The following ZNF670 variants were observed in gnomAD, a reference collection of about 807,000 sequenced individuals.
ZNF670 encodes zinc finger protein 670.
In ZNF670, 7 loss-of-function variants were observed where a neutral mutation model predicts 10.9. The ratio of observed to expected loss-of-function variants is 0.64; its 90% CI spans 0.36 to 1.20. The LOEUF is 1.20. Among genes scored for constraint, ZNF670 ranks in the 50% most tolerant of loss-of-function variants. The pLI is 0.02. For missense variants in ZNF670, 446 were observed against 458.6 expected (o/e 0.97, Z 0.25); for synonymous variants, 136 against 152.7 (o/e 0.89, Z 0.81).
chr1:247,047,037 G>T (rs1670467367), intron 1 of ZNF670, among the ~76,000 whole-genome samples: 1 of 152,220 alleles, frequency 6.6e-6, no homozygotes, highest in Non-Finnish European at 1.5e-5. Context: ...TGCAAGAAGT[G>T]GACTCTCATG....
chr1:247,068,245 G>C (rs1267367848), intron 1 of ZNF670, among the ~76,000 whole-genome samples: 7 of 144,186 alleles, frequency 4.9e-5, no homozygotes, highest in Admixed American at 2.1e-4. Flanking sequence ...GAACCCAAGA[G>C]GCAGAGGTTG....
At chr1:247,049,865 T>C (rs528032678) in intron 1 of ZNF670, among the ~76,000 whole-genome samples, 19 of 152,386 alleles carry the variant, frequency 1.2e-4, no homozygotes, top group Non-Finnish European at 2.5e-4. Flanking sequence ...TTTCCAATTA[T>C]ACTCCATTGT....
At chr1:247,066,391 T>G (rs1362316565) in intron 1 of ZNF670, among the ~76,000 whole-genome samples, 2 of 152,018 alleles carry the variant, frequency 1.3e-5, no homozygotes, top group African/African-American at 4.8e-5. Context: ...ACAGCCCCCA[T>G]GGACACTTGA....
intron 1 of ZNF670, among the ~76,000 whole-genome samples, chr1:247,071,717 A>G (rs1267590665): frequency 6.6e-6 from 1 of 152,212 alleles, no homozygotes; most frequent in Non-Finnish European, 1.5e-5. Context: ...AACCTTTTAT[A>G]CCGTACATTA....
At chr1:247,039,151 T>C (rs1973414) in intron 2 of ZNF670, among the ~76,000 whole-genome samples, 149,764 of 150,956 alleles carry the variant, frequency 0.99, 74,292 homozygotes, top group Middle Eastern at 1. Flanking sequence ...CTCCACTTCC[T>C]AGGTTCCAGC....
chr1:247,038,839 A>G lies in ZNF670; in HGVS notation c.162T>C (p.Asp54=). ...GNKSEDQNIQ[D]DFKNPGRNLS... ...GATTTCTCCCAGGATTTTTGAAGTC[A>G]TCTTGGATATTCTGGTCTTCTGATT... Residue 54 remains aspartate, a synonymous_variant, in exon 3 of 4, where the codon GAT becomes GAC. Coordinates refer to ENST00000366503, the MANE Select transcript of ZNF670 (RefSeq NM_033213.5). 3.1e-6 allele frequency: 5 copies of G among 1,612,990 alleles called. No individual in the cohort carries two copies. The highest frequency in any genetic ancestry group is 4.2e-6 in the Non-Finnish European group (5 of 1,179,484).
Position 247,037,964 on chromosome 1 carries a change from G to A in ZNF670, c.655C>T (p.His219Tyr). The A allele has an allele frequency of 6.2e-7, 1 of 1,613,544 alleles. No individual in the cohort carries two copies. Among genetic ancestry groups the A allele is most frequent in the South Asian group, 1.1e-5 (1 of 90,934 alleles). ...SSYLREHERTHTGEKPYACKK... is the reference protein window; with the variant it reads ...SSYLREHERTYTGEKPYACKK... ...CATGCATAGGGTTTCTCTCCAGTAT[G>A]AGTTCTTTCATGTTCACGAAGATAA... is the stretch of plus-strand genomic sequence containing the variant. The change falls in exon 4 of 4, where the codon CAT (histidine) becomes TAT (tyrosine). Residue 219 changes from histidine (H) to tyrosine (Y), a missense_variant. By Grantham distance (83) the His-to-Tyr change is moderately conservative. Transcript: ENST00000366503.
intron 1 of ZNF670, among the ~76,000 whole-genome samples, chr1:247,053,354 C>G (rs1223027768): frequency 2.6e-5 from 4 of 152,154 alleles, no homozygotes; most frequent in Admixed American, 1.3e-4. Flanking sequence ...AAAGTTCAGG[C>G]CGGCGCGGTG....
chr1:247,063,880 T>C (rs1670923188), intron 1 of ZNF670, among the ~76,000 whole-genome samples: 2 of 152,174 alleles, frequency 1.3e-5, no homozygotes, highest in Admixed American at 1.3e-4. Flanking sequence ...CCAGAGGGCC[T>C]TGGGCCAGAG....
chr1:247,071,514 G>C (rs976814746), intron 1 of ZNF670, among the ~76,000 whole-genome samples: 1 of 152,154 alleles, frequency 6.6e-6, no homozygotes. Context: ...CTACCTATTG[G>C]TTACTATGTT....
At chr1:247,053,668 G>A (rs1241639781) in intron 1 of ZNF670, among the ~76,000 whole-genome samples, 1 of 151,906 alleles carries the variant, frequency 6.6e-6, no homozygotes, top group African/African-American at 2.4e-5. Context: ...AAACAAAAAT[G>A]GCAGGATCAC....
At chr1:247,055,929 T>C (rs1459045967) in intron 1 of ZNF670, among the ~76,000 whole-genome samples, 2 of 152,108 alleles carry the variant, frequency 1.3e-5, no homozygotes, top group East Asian at 3.8e-4. Flanking sequence ...CACTACATAA[T>C]GATATGTATG....
chr1:247,055,752 C>T (rs1453746790), intron 1 of ZNF670, among the ~76,000 whole-genome samples: 1 of 152,038 alleles, frequency 6.6e-6, no homozygotes, highest in Non-Finnish European at 1.5e-5. Context: ...AAAACAAGAC[C>T]CACTGACTGG....
intron 1 of ZNF670, among the ~76,000 whole-genome samples, chr1:247,056,263 A>G (rs553116302): frequency 6.6e-6 from 1 of 152,344 alleles, no homozygotes; most frequent in South Asian, 2.1e-4. Context: ...TCTCAAGGAT[A>G]GACCATATGG....
At position 247,038,248 on chromosome 1, in the gene ZNF670, G is replaced by C. The variant is rs1484351209; in HGVS notation, c.371C>G (p.Ser124Cys). Residue 124 changes from serine to cysteine, a missense_variant, in exon 4 of 4, where the codon TCT (serine) becomes TGT (cysteine). By Grantham distance (112) the Ser-to-Cys change is moderately radical. Transcript: ENST00000366503. ...CTCAAATAGTTTGTTTCCAATGTGA[G>C]ACAGGATGTGCCTATGAAGGGCTGA... ...CHSALHRHILSHIGNKLFECE... is the reference protein window; with the variant it reads ...CHSALHRHILCHIGNKLFECE... The C allele has an allele frequency of 8.7e-6, 14 of 1,614,052 alleles. No homozygotes were observed. The highest frequency in any genetic ancestry group is 1.2e-5 in the Non-Finnish European group (14 of 1,180,038).
chr1:247,078,668 C>G lies in ZNF670; in HGVS notation c.-72G>C, dbSNP rs541853192. ...CCTGCAGGTCCCAGAGCAACAGAAG[C>G]TGCCGCGGGACCACTTGGACCTCCC... On this transcript the variant is annotated 5_prime_UTR_variant, in exon 1 of 4. Transcript: ENST00000366503. 28 of 1,571,224 alleles carry G rather than the reference C, an allele frequency of 1.8e-5. No individual in the cohort carries two copies. In the East Asian group the frequency reaches 6.1e-4, roughly 34 times the overall value.
At chr1:247,069,088 A>T (rs77007148) in intron 1 of ZNF670, among the ~76,000 whole-genome samples, 1,751 of 149,722 alleles carry the variant, frequency 0.012, 145 homozygotes, top group African/African-American at 0.042. Flanking sequence ...CAAAAAAAAA[A>T]TACTTAGAAA....
intron 1 of ZNF670, among the ~76,000 whole-genome samples, chr1:247,063,944 C>G (rs901615752): frequency 6.6e-6 from 1 of 152,340 alleles, no homozygotes; most frequent in East Asian, 1.9e-4. Context: ...CTGGCACAGC[C>G]TCACCCTGCA....
chr1:247,058,706 A>G (rs1670779503), intron 1 of ZNF670, among the ~76,000 whole-genome samples: 1 of 127,770 alleles, frequency 7.8e-6, no homozygotes, highest in Admixed American at 7.5e-5. Flanking sequence ...TCCTACAGAC[A>G]GTTAAAAAAA....
Sources: gnomAD v4.1 joint callset for allele counts (sites outside exome capture counted in the v4.1 genomes callset) on GRCh38, gnomAD v4.1.1 for gene constraint, MANE v1.5 for transcripts, NCBI Gene and HGNC (gene_info 2026-07-23, HGNC 2026-07-21) for gene names.